SCTR: variants seen among roughly 807,000 people sequenced by gnomAD.
SCTR encodes pancreatic secretin receptor.
In SCTR, 56 loss-of-function variants were observed where a neutral mutation model predicts 60.8. The ratio of observed to expected loss-of-function variants is 0.92; its 90% confidence interval spans 0.74 to 1.15. The LOEUF (loss-of-function observed/expected upper bound fraction) is 1.15, where lower values mean the gene tolerates loss of function less well. Among genes scored for constraint, SCTR ranks in the 50% most tolerant of loss-of-function variants. SCTR has a pLI of 0.00. For missense variants in SCTR, 562 were observed against 550.4 expected (o/e 1.02, Z -0.21); for synonymous variants, 202 against 217.0 (o/e 0.93, Z 0.61).
intron 1 of SCTR, among the ~76,000 whole-genome samples, chr2:119,520,407 G>A (rs1442590471): frequency 1.3e-5 from 2 of 152,192 alleles, no homozygotes; most frequent in Non-Finnish European, 2.9e-5. Flanking sequence ...GCTGAGGTGG[G>A]AAGATCACTT....
At chr2:119,493,099 T>C (rs1235463475) in intron 2 of SCTR, among the ~76,000 whole-genome samples, 1 of 152,116 alleles carries the variant, frequency 6.6e-6, no homozygotes, top group Non-Finnish European at 1.5e-5. Context: ...TCAAATAATC[T>C]GTGCACCTTG....
At chr2:119,504,537 G>A (rs1244406725) in intron 1 of SCTR, among the ~76,000 whole-genome samples, 1 of 152,116 alleles carries the variant, frequency 6.6e-6, no homozygotes, top group East Asian at 1.9e-4. Flanking sequence ...GTTGCAGTGA[G>A]CTAAGATTGC....
At chr2:119,451,272 C>T (rs1004741018) in intron 9 of SCTR, among the ~76,000 whole-genome samples, 1 of 152,164 alleles carries the variant, frequency 6.6e-6, no homozygotes, top group Non-Finnish European at 1.5e-5. Flanking sequence ...TCCTGTGTGT[C>T]CCCATGTGCC....
At chr2:119,441,715 C>T in intron 11 of SCTR, 116 bp from the exon 12 acceptor site, 1 of 879,756 alleles carries the variant, frequency 1.1e-6, no homozygotes. Flanking sequence ...GCTCATTTCC[C>T]CACCTCTCTT....
chr2:119,494,648 A>C, intron 1 of SCTR, 100 bp from the exon 2 acceptor site: 1 of 1,262,340 alleles, frequency 7.9e-7, no homozygotes, highest in South Asian at 1.4e-5. Context: ...TGGGGATTCA[A>C]GTAAAGCAAA....
At chr2:119,503,734 T>G (rs1454172823) in intron 1 of SCTR, among the ~76,000 whole-genome samples, 1 of 152,172 alleles carries the variant, frequency 6.6e-6, no homozygotes, top group African/African-American at 2.4e-5. Context: ...ATACATGTCA[T>G]TATACATTTG....
chr2:119,444,185 G>T (rs1682770604), intron 11 of SCTR, among the ~76,000 whole-genome samples: 1 of 134,608 alleles, frequency 7.4e-6, no homozygotes, highest in African/African-American at 3.0e-5. Context: ...ATATACATAT[G>T]AATATATACA....
Position 119,524,187 on chromosome 2 carries a change from G to C in SCTR, c.40C>G (p.Leu14Val). The C allele has an allele frequency of 6.5e-7, 1 of 1,527,628 alleles. No homozygotes were observed. The highest frequency in any genetic ancestry group is 8.8e-7 in the Non-Finnish European group (1 of 1,136,428). 94.6% of individuals were successfully genotyped at this position (1,527,628 alleles called of 1,614,324 possible). The change falls in exon 1 of 13, where the codon CTG (leucine) becomes GTG (valine). Residue 14 changes from leucine (L) to valine (V), a missense_variant. Coordinates refer to ENST00000019103, the MANE Select transcript of SCTR (RefSeq NM_002980.3). ...HLSPPLQQLL[L>V]PVLLACAAHS... ...GCGGCGCAGGCGAGCAGCACCGGCA[G>C]TAGTAGCTGCTGCAGCGGCGGCGAC...
chr2:119,500,372 T>C (rs1234657520), intron 1 of SCTR, among the ~76,000 whole-genome samples: 1 of 152,214 alleles, frequency 6.6e-6, no homozygotes, highest in African/African-American at 2.4e-5. Context: ...CACTTCTGGG[T>C]ATATATCCAA....
intron 2 of SCTR, chr2:119,485,943 C>T (rs763998080): frequency 8.0e-5 from 12 of 150,800 alleles, no homozygotes; most frequent in Non-Finnish European, 1.5e-4. Context: ...AGCCCCAGGC[C>T]ATCCAAGGGG....
At chr2:119,515,237 T>C (rs1350892577) in intron 1 of SCTR, among the ~76,000 whole-genome samples, 1 of 152,186 alleles carries the variant, frequency 6.6e-6, no homozygotes, top group Non-Finnish European at 1.5e-5. Flanking sequence ...CTGTGAGGAA[T>C]TTTAAATGGG....
intron 3 of SCTR, among the ~76,000 whole-genome samples, chr2:119,474,130 T>C (rs1028672626): frequency 6.6e-6 from 1 of 152,078 alleles, no homozygotes; most frequent in Non-Finnish European, 1.5e-5. Flanking sequence ...ACCACCACAG[T>C]CCTCCGGCTC....
At chr2:119,471,382 G>T (rs1021356923) in intron 4 of SCTR, among the ~76,000 whole-genome samples, 1 of 152,076 alleles carries the variant, frequency 6.6e-6, no homozygotes, top group South Asian at 2.1e-4. Context: ...CCAAGACCAC[G>T]AGTGCTCACT....
At chr2:119,462,912 C>T (rs1304869163) in intron 6 of SCTR, among the ~76,000 whole-genome samples, 2 of 152,204 alleles carry the variant, frequency 1.3e-5, no homozygotes, top group Middle Eastern at 3.2e-3. Flanking sequence ...CCTGCTGGGG[C>T]ATTGCTGGCC....
chr2:119,454,656 C>A (rs561636083), intron 7 of SCTR, among the ~76,000 whole-genome samples: 1 of 152,066 alleles, frequency 6.6e-6, no homozygotes, highest in African/African-American at 2.4e-5. Context: ...GAGTTCGAGA[C>A]CAGCCTGGCC....
intron 6 of SCTR, 103 bp from the exon 7 acceptor site, chr2:119,462,103 G>C: frequency 8.6e-7 from 1 of 1,167,244 alleles, no homozygotes; most frequent in Non-Finnish European, 1.2e-6. Context: ...GCAGGAGCCA[G>C]GCCACAAGAG....
chr2:119,452,879 C>T (rs1275382193), intron 8 of SCTR, among the ~76,000 whole-genome samples: 1 of 152,196 alleles, frequency 6.6e-6, no homozygotes, highest in Non-Finnish European at 1.5e-5. Flanking sequence ...CAATGCCTGA[C>T]TTCTTTAGAG....
intron 1 of SCTR, among the ~76,000 whole-genome samples, chr2:119,512,351 C>A (rs1295737333): frequency 2.6e-5 from 2 of 77,068 alleles, no homozygotes; most frequent in Non-Finnish European, 2.4e-5. Flanking sequence ...CCTTCTCCTT[C>A]TCCTTCTCCT....
intron 2 of SCTR, among the ~76,000 whole-genome samples, chr2:119,492,243 C>A (rs1678158121): frequency 6.6e-6 from 1 of 152,240 alleles, no homozygotes; most frequent in African/African-American, 2.4e-5. Flanking sequence ...GAACTTTGCT[C>A]CAGCTCTTTT....
Sources: gnomAD v4.1 joint callset for allele counts (sites outside exome capture counted in the v4.1 genomes callset) on GRCh38, gnomAD v4.1.1 for gene constraint, MANE v1.5 for transcripts, NCBI Gene and HGNC (gene_info 2026-07-23, HGNC 2026-07-21) for gene names.